The following TRIM69 variants were observed in gnomAD, a reference collection of about 807,000 sequenced individuals.
TRIM69 encodes E3 ubiquitin-protein ligase TRIM69.
TRIM69 carries 29 observed loss-of-function variants against 37.7 expected under a neutral mutation model. The observed-to-expected ratio is 0.77, with a 90% CI of 0.57 to 1.05. The LOEUF (loss-of-function observed/expected upper bound fraction) is 1.05, where lower values mean the gene tolerates loss of function less well. Ranked by LOEUF, TRIM69 falls within the 50% of genes least tolerant of loss-of-function variation. TRIM69 has a pLI of 0.00. For synonymous variants in TRIM69, 209 were observed against 212.4 expected (o/e 0.98, Z 0.14); for missense variants, 596 against 579.9 (o/e 1.03, Z -0.28).
chr15:44,757,327 T>C (rs1438702927), intron 3 of TRIM69: 2 of 152,090 alleles, frequency 1.3e-5, no homozygotes, highest in Admixed American at 6.6e-5. Flanking sequence ...ATAAGTACTA[T>C]AACTGAAAGT....
chr15:44,738,054 C>CTTT (rs869285725), intron 1 of TRIM69, among the ~76,000 whole-genome samples: 5 of 23,456 alleles, frequency 2.1e-4, no homozygotes, highest in African/African-American at 3.3e-4. Context: ...TTCTTTCTTT[C>CTTT]TTTTTTTTTT....
At position 44,758,846 on chromosome 15, in the gene TRIM69, T is replaced by C. The variant is rs201939428; in HGVS notation, c.805T>C (p.Phe269Leu). 75 of 1,611,986 alleles carry C rather than the reference T, an allele frequency of 4.7e-5. No homozygotes were observed. Among genetic ancestry groups the C allele is most frequent in the Non-Finnish European group, 5.0e-5 (59 of 1,179,078 alleles). The change falls in exon 4 of 7, where the codon TTT becomes CTT. Residue 269 changes from phenylalanine to leucine, a missense_variant. Coordinates refer to ENST00000329464, the MANE Select transcript of TRIM69 (RefSeq NM_182985.5). Reference sequence around the variant, plus strand: ...GACGGAACAACAGAACTCCTTCGACTTTCTCAAAGTGAGAATCCACACCAA... The same window carrying C: ...GACGGAACAACAGAACTCCTTCGACCTTCTCAAAGTGAGAATCCACACCAA... ...AKTEQQNSFD[F>L]LKDITTLLHS... is the part of the protein sequence containing the mutation.
At position 44,736,593 on chromosome 15, in the gene TRIM69, G is replaced by T; in HGVS notation, c.-112G>T. On this transcript the variant is annotated 5_prime_UTR_variant, in exon 1 of 7. An upstream open reading frame in the 5' UTR loses its in-frame stop. Transcript: ENST00000329464. ...ACTTTTCTTTCTTCCATCATGCTCT[G>T]AGCCCATTCCTTGAAAACTAAAAGG... The T allele has an allele frequency of 7.6e-7, 1 of 1,321,472 alleles. No individual in the cohort carries two copies. Among genetic ancestry groups the T allele is most frequent in the South Asian group, 1.3e-5 (1 of 76,050 alleles). The allele number at this position is 1,321,472 out of a possible 1,614,324, so 81.9% of individuals were successfully genotyped here.
intron 1 of TRIM69, among the ~76,000 whole-genome samples, chr15:44,748,798 C>G (rs1566891965): frequency 7.1e-6 from 1 of 141,342 alleles, no homozygotes; most frequent in Non-Finnish European, 1.5e-5. Context: ...TACACTCCAG[C>G]CTGGGCGACA....
intron 1 of TRIM69, chr15:44,753,208 TAA>T (rs2087571793): frequency 6.6e-6 from 1 of 152,196 alleles, no homozygotes; most frequent in Admixed American, 6.5e-5. Context: ...TTTTGTAGAT[TAA>T]GACTACTAGA....
At chr15:44,763,089 C>T (rs1216927118) in intron 6 of TRIM69, among the ~76,000 whole-genome samples, 1 of 152,010 alleles carries the variant, frequency 6.6e-6, no homozygotes, top group Admixed American at 6.5e-5. Flanking sequence ...ATCCATAGTT[C>T]CTTTAGATTT....
Position 44,767,663 on chromosome 15 carries a change from T to C in TRIM69, c.1394T>C (p.Ile465Thr). ...TACAATGCTAAAACCATGACTCACA[T>C]TTACACCTTCAGTAACACTTTCATG... is the stretch of plus-strand genomic sequence containing the variant. ...SFYNAKTMTH[I>T]YTFSNTFMEK... The change falls in exon 7 of 7, where the codon ATT becomes ACT. Residue 465 changes from isoleucine (I) to threonine (T), a missense_variant. Ile to Thr is a moderately conservative substitution (Grantham distance 89). Transcript: ENST00000329464. 1 of 1,614,200 alleles carries C rather than the reference T, an allele frequency of 6.2e-7. No homozygotes were observed. Among genetic ancestry groups the C allele is most frequent in the Non-Finnish European group, 8.5e-7 (1 of 1,180,034 alleles).
rs372932943 is a variant in TRIM69, at chr15:44,759,737, G to C, written c.837-11G>C. ...GGATGTCTAAGGATAAATGATTTAT[G>C]TGCCCTGCAGCTTGGAGCAAGGAAT... On this transcript the variant is annotated splice_polypyrimidine_tract_variant and intron_variant, in intron 5 of 6. Transcript: ENST00000329464. 2 of 1,614,162 alleles carry C rather than the reference G, an allele frequency of 1.2e-6. No individual in the cohort carries two copies. The highest frequency in any genetic ancestry group is 1.7e-6 in the Non-Finnish European group (2 of 1,180,036).
chr15:44,760,219 A>G (rs2087747635), intron 6 of TRIM69, among the ~76,000 whole-genome samples: 2 of 152,212 alleles, frequency 1.3e-5, no homozygotes. Context: ...GTTTCTGAAC[A>G]TACTCTTTTT....
rs1045578746 is a variant in TRIM69 at position 44,748,152 on chromosome 15, C to G, written c.7-6748C>G. 1.4e-4 allele frequency among the ~76,000 whole-genome samples: 21 copies of G among 152,202 alleles called. 1 individual carries two copies. The highest frequency in any genetic ancestry group is 1.0e-3 in the South Asian group (5 of 4,826). ...CAGAAGAGTAACCTCTGGACAAACT[C>G]TCAGGGATTTTGCCTCAGAATACAT... On this transcript the variant is annotated intron_variant, in intron 1 of 6. Coordinates refer to ENST00000329464, the MANE Select transcript of TRIM69 (RefSeq NM_182985.5).
intron 1 of TRIM69, among the ~76,000 whole-genome samples, chr15:44,737,584 A>T (rs772583214): frequency 2.0e-5 from 3 of 152,218 alleles, no homozygotes; most frequent in Non-Finnish European, 4.4e-5. Flanking sequence ...GTTCAGGCAG[A>T]GGTTGGAAAG....
intron 1 of TRIM69, among the ~76,000 whole-genome samples, chr15:44,743,299 A>G (rs952477374): frequency 6.6e-6 from 1 of 152,232 alleles, no homozygotes; most frequent in Non-Finnish European, 1.5e-5. Flanking sequence ...CCTACACCTT[A>G]TACAAAAATT....
At chr15:44,739,659 C>T (rs541111688) in intron 1 of TRIM69, among the ~76,000 whole-genome samples, 67 of 152,238 alleles carry the variant, frequency 4.4e-4, no homozygotes, top group African/African-American at 1.4e-3. Flanking sequence ...AACTGCAAGG[C>T]GGCAGCGAGG....
intron 3 of TRIM69, 32 bp from the exon 4 acceptor site, chr15:44,758,589 A>G: frequency 1.2e-6 from 2 of 1,612,380 alleles, no homozygotes; most frequent in Non-Finnish European, 1.7e-6. Context: ...AGTCTCTGCA[A>G]TAACCATGGT....
chr15:44,740,897 G>A (rs1303641040), intron 1 of TRIM69, among the ~76,000 whole-genome samples: 1 of 152,054 alleles, frequency 6.6e-6, no homozygotes, highest in Non-Finnish European at 1.5e-5. Context: ...GCCAACATTA[G>A]GCAGATCAAC....
rs190856194 is a variant in TRIM69, at chr15:44,754,532, C to A, written c.7-368C>A. On this transcript the variant is annotated intron_variant, in intron 1 of 6. Transcript: ENST00000329464. ...AAGGAATCTGATTGATTTTCCAATT[C>A]TTTGTATATAATTTCTAGAAAACAA... The A allele has an allele frequency of 7.1e-4, 130 of 182,658 alleles. 1 individual carries two copies. The highest frequency in any genetic ancestry group is 7.9e-5 in the Non-Finnish European group (7 of 88,242). 11.3% of individuals were successfully genotyped at this position (182,658 alleles called of 1,614,324 possible). A position where few individuals can be genotyped will look rare whatever the true frequency, so the allele number is the denominator to read the frequency against.
chr15:44,764,589 T>C (rs1450058397), intron 6 of TRIM69, among the ~76,000 whole-genome samples: 1 of 152,332 alleles, frequency 6.6e-6, no homozygotes, highest in South Asian at 2.1e-4. Flanking sequence ...TCTGCTCTTG[T>C]AGTGAAAAAG....
At position 44,756,449 on chromosome 15, in the gene TRIM69, A is replaced by T; in HGVS notation, c.565A>T (p.Ile189Phe). The T allele has an allele frequency of 6.4e-7, 1 of 1,550,906 alleles. No individual in the cohort carries two copies. The highest frequency in any genetic ancestry group is 1.2e-5 in the South Asian group (1 of 84,018). The change falls in exon 3 of 7, where the codon ATT becomes TTT. Residue 189 changes from isoleucine (I) to phenylalanine (F), a missense_variant. Coordinates refer to ENST00000329464, the MANE Select transcript of TRIM69 (RefSeq NM_182985.5). ...QTLRNMQKEA[I>F]AAHKENKLHL... Reference sequence around the variant, plus strand: ...CCTGAGGAACATGCAGAAGGAAGCTATTGCTGCTCACAAGGTGAGGAGCAA... The same window carrying T: ...CCTGAGGAACATGCAGAAGGAAGCTTTTGCTGCTCACAAGGTGAGGAGCAA...
chr15:44,742,199 A>G (rs2087304946), intron 1 of TRIM69, among the ~76,000 whole-genome samples: 1 of 150,996 alleles, frequency 6.6e-6, no homozygotes, highest in African/African-American at 2.4e-5. Context: ...GCATATAAAC[A>G]GAACCAAAGA....
Sources: allele counts gnomAD v4.1 joint callset (sites outside exome capture counted in the v4.1 genomes callset), GRCh38; gene constraint gnomAD v4.1.1; transcripts MANE v1.5; gene names NCBI Gene and HGNC (gene_info 2026-07-23, HGNC 2026-07-21).